KCNIP4: variants seen among roughly 807,000 people sequenced by gnomAD.
The protein encoded by KCNIP4 is potassium voltage-gated channel interacting protein 4, also known as Kv channel-interacting protein 4.
Under a neutral mutation model 34.0 loss-of-function variants are expected in KCNIP4, and 12 were observed. The ratio of observed to expected loss-of-function variants is 0.35; its 90% confidence interval spans 0.23 to 0.57. The LOEUF is 0.57. Among genes scored for constraint, KCNIP4 ranks in the 20% least tolerant of loss-of-function variants. The pLI is 0.83. For missense variants in KCNIP4, 238 were observed against 311.7 expected, an observed-to-expected ratio of 0.76 and a Z score of 1.78; for synonymous variants, 124 against 102.2, an observed-to-expected ratio of 1.21 and a Z score of -1.29.
At chr4:21,238,180 G>T (rs182907746) in intron 1 of KCNIP4, among the ~76,000 whole-genome samples, 3 of 151,846 alleles carry the variant, frequency 2.0e-5, no homozygotes, top group Admixed American at 6.6e-5. Flanking sequence ...AATTCAACAA[G>T]GCTTCATGCT....
chr4:21,135,442 G>T lies in KCNIP4; in HGVS notation c.62-252733C>A, dbSNP rs563782838. Among the ~76,000 whole-genome samples the T allele has an allele frequency of 6.6e-5, 10 of 152,244 alleles. No homozygotes were observed. In the South Asian group the frequency reaches 2.1e-3, roughly 32 times the overall value. Reference sequence around the variant, plus strand: ...GACCTTTTACTCATAGAAAATATGGGCTCTATCAGATATTTCTTCAACCAC... The same window carrying T: ...GACCTTTTACTCATAGAAAATATGGTCTCTATCAGATATTTCTTCAACCAC... On this transcript the variant is annotated intron_variant, in intron 1 of 8. Coordinates refer to ENST00000382152, the MANE Select transcript of KCNIP4 (RefSeq NM_025221.6).
intron 1 of KCNIP4, among the ~76,000 whole-genome samples, chr4:21,641,081 T>C (rs573933075): frequency 6.6e-6 from 1 of 152,338 alleles, no homozygotes; most frequent in African/African-American, 2.4e-5. Context: ...TTACCTGTCC[T>C]ACCACCAAGG....
At chr4:20,747,855 A>G (rs1468413609) in intron 5 of KCNIP4, among the ~76,000 whole-genome samples, 3 of 151,458 alleles carry the variant, frequency 2.0e-5, no homozygotes, top group African/African-American at 7.3e-5. Context: ...GCTGCACCCT[A>G]TTTTTTTCAT....
At position 21,948,699 on chromosome 4, in the gene KCNIP4, C is replaced by G; in HGVS notation, c.-68G>C. The G allele has an allele frequency of 1.3e-6, 2 of 1,534,558 alleles. No individual in the cohort carries two copies. Among genetic ancestry groups the G allele is most frequent in the Non-Finnish European group, 1.8e-6 (2 of 1,133,458 alleles). Reference sequence around the variant, plus strand: ...CGGCCAGGGGCGTCTGTCCACGGGTCTGCACGGGAGCGCACCGCCGCTCGG... The same window carrying G: ...CGGCCAGGGGCGTCTGTCCACGGGTGTGCACGGGAGCGCACCGCCGCTCGG... On this transcript the variant is annotated 5_prime_UTR_variant, in exon 1 of 9. Coordinates refer to ENST00000382152, the MANE Select transcript of KCNIP4 (RefSeq NM_025221.6).
At chr4:21,093,283 A>T (rs530207707) in intron 1 of KCNIP4, among the ~76,000 whole-genome samples, 1 of 152,234 alleles carries the variant, frequency 6.6e-6, no homozygotes, top group South Asian at 2.1e-4. Flanking sequence ...ATTTGCAGGA[A>T]AATGAGTTAC....
chr4:21,932,805 T>A (rs533557379), intron 1 of KCNIP4, among the ~76,000 whole-genome samples: 102 of 151,754 alleles, frequency 6.7e-4, no homozygotes, highest in African/African-American at 2.4e-3. Flanking sequence ...TCTACTATTA[T>A]CTAAGAAAAA....
Position 20,730,100 on chromosome 4 carries a change from G to C in KCNIP4, c.735C>G (p.Leu245=), listed in dbSNP as rs1476099524. 1 of 1,608,734 alleles carries C rather than the reference G, an allele frequency of 6.2e-7. No homozygotes were observed. Among genetic ancestry groups the C allele is most frequent in the Admixed American group, 1.7e-5 (1 of 58,536 alleles). The change falls in exon 9 of 9, where the codon CTC becomes CTG. Residue 245 remains leucine (L), a synonymous_variant. Transcript: ENST00000382152. ...TGACAAGTTAAATCACATTTTCAAA[G>C]AGCTGCATGGAGCGCATTATGTTTT... The part of the protein sequence containing the change: ...KDENIMRSMQ[L]FENVI
intron 2 of KCNIP4, 185 bp from the exon 3 acceptor site, chr4:20,850,852 G>T: frequency 2.0e-6 from 1 of 504,822 alleles, no homozygotes; most frequent in African/African-American, 1.9e-5. Flanking sequence ...TAAAACACTT[G>T]TATATGATTT....
At chr4:21,241,532 A>C (rs955108395) in intron 1 of KCNIP4, among the ~76,000 whole-genome samples, 2 of 152,132 alleles carry the variant, frequency 1.3e-5, no homozygotes, top group Non-Finnish European at 2.9e-5. Context: ...GGCTCATCGC[A>C]AACTCCAGTC....
rs114034192 is a variant in KCNIP4 at position 21,937,420 on chromosome 4, A to G, written c.61+11151T>C. Among the ~76,000 whole-genome samples, 1,432 of 152,032 alleles carry G rather than the reference A, an allele frequency of 9.4e-3. 32 individuals are homozygous for G. Among genetic ancestry groups the G allele is most frequent in the African/African-American group, 0.033 (1,359 of 41,466 alleles). ...CAAACGTTTGTTTTCTCTTGCCTAG[A>G]CTAATGGGACCGCCTCCTCATGATA... is the stretch of plus-strand genomic sequence containing the variant. On this transcript the variant is annotated intron_variant, in intron 1 of 8. Transcript: ENST00000382152.
At chr4:21,152,684 G>A (rs969920849) in intron 1 of KCNIP4, among the ~76,000 whole-genome samples, 1 of 146,712 alleles carries the variant, frequency 6.8e-6, no homozygotes, top group Non-Finnish European at 1.5e-5. Context: ...ACAGGTCCTG[G>A]TCCGTGGCCT....
intron 3 of KCNIP4, among the ~76,000 whole-genome samples, chr4:20,793,648 C>T (rs978861507): frequency 6.6e-6 from 1 of 152,080 alleles, no homozygotes; most frequent in Admixed American, 6.6e-5. Flanking sequence ...GATTCAACCA[C>T]ATTACATTTA....
rs183358407 is a variant in KCNIP4, at chr4:21,234,476, G to C, written c.62-351767C>G. ...TTACATATAACGTATATAATATATA[G>C]TACATATAACGTATATAATATATAT... On this transcript the variant is annotated intron_variant, in intron 1 of 8. Coordinates refer to ENST00000382152, the MANE Select transcript of KCNIP4 (RefSeq NM_025221.6). 2.6e-4 allele frequency among the ~76,000 whole-genome samples: 17 copies of C among 65,618 alleles called. 3 individuals carry two copies. The highest frequency in any genetic ancestry group is 2.2e-3 in the African/African-American group (16 of 7,296). The allele number at this position is 65,618 out of a possible 152,430, so 43.0% of individuals were successfully genotyped here.
chr4:21,137,407 T>A (rs984333894), intron 1 of KCNIP4, among the ~76,000 whole-genome samples: 3 of 152,202 alleles, frequency 2.0e-5, no homozygotes, highest in African/African-American at 4.8e-5. Flanking sequence ...AAATTCTTGT[T>A]CTCCCCCATA....
At chr4:21,484,662 T>C (rs1304689473) in intron 1 of KCNIP4, among the ~76,000 whole-genome samples, 1 of 152,122 alleles carries the variant, frequency 6.6e-6, no homozygotes, top group African/African-American at 2.4e-5. Flanking sequence ...ATCTACCTCA[T>C]TGTTTATATG....
intron 1 of KCNIP4, among the ~76,000 whole-genome samples, chr4:21,404,413 A>C (rs1723802476): frequency 6.6e-6 from 1 of 152,108 alleles, no homozygotes; most frequent in Non-Finnish European, 1.5e-5. Context: ...CTATGGTTGA[A>C]TGCATCTCCA....
intron 5 of KCNIP4, among the ~76,000 whole-genome samples, chr4:20,737,683 G>A (rs557593334): frequency 2.0e-5 from 3 of 152,304 alleles, no homozygotes; most frequent in Admixed American, 6.5e-5. Flanking sequence ...AGAGGCAGAA[G>A]CTCTGATACT....
chr4:21,316,954 C>T lies in KCNIP4; in HGVS notation c.62-434245G>A, dbSNP rs114763289. ...GCTTCTGTTCTGGGAATAACTGGCTCGGGGTTTTATAATATATATTCCATT... is the reference window on the plus strand; with the variant it reads ...GCTTCTGTTCTGGGAATAACTGGCTTGGGGTTTTATAATATATATTCCATT... On this transcript the variant is annotated intron_variant, in intron 1 of 8. Transcript: ENST00000382152. 1.8e-3 allele frequency among the ~76,000 whole-genome samples: 277 copies of T among 152,172 alleles called. 1 individual carries two copies. Among genetic ancestry groups the T allele is most frequent in the African/African-American group, 6.1e-3 (255 of 41,524 alleles).
chr4:21,209,496 C>G (rs913095424), intron 1 of KCNIP4, among the ~76,000 whole-genome samples: 3 of 152,064 alleles, frequency 2.0e-5, no homozygotes, highest in African/African-American at 7.2e-5. Flanking sequence ...TGAATGAGAA[C>G]TTTCTGTTCC....
Sources: allele counts gnomAD v4.1 joint callset (sites outside exome capture counted in the v4.1 genomes callset), GRCh38; gene constraint gnomAD v4.1.1; transcripts MANE v1.5; gene names NCBI Gene and HGNC (gene_info 2026-07-23, HGNC 2026-07-21).